The following ADGRB3 variants were observed in gnomAD, a reference collection of about 807,000 sequenced individuals.
The protein encoded by ADGRB3 is brain-specific angiogenesis inhibitor 3.
A neutral mutation model predicts 193.4 loss-of-function variants in ADGRB3; 37 were observed. The observed-to-expected ratio is 0.19, with a 90% confidence interval of 0.15 to 0.25. The LOEUF (loss-of-function observed/expected upper bound fraction) is 0.25. ADGRB3 is among the 10% of genes least tolerant of loss of function. The pLI is 1.00. For synonymous variants in ADGRB3, 690 were observed against 644.2 expected (o/e 1.07, Z -1.08); for missense variants, 1,637 against 1,852.9 (o/e 0.88, Z 2.14).
intron 17 of ADGRB3, among the ~76,000 whole-genome samples, chr6:69,098,777 C>A (rs2150320369): frequency 6.6e-6 from 1 of 152,134 alleles, no homozygotes; most frequent in East Asian, 1.9e-4. Context: ...TTATTAACAC[C>A]AGGTCATTAA....
chr6:68,947,582 G>C (rs1360451777), intron 6 of ADGRB3, among the ~76,000 whole-genome samples: 2 of 152,044 alleles, frequency 1.3e-5, no homozygotes, highest in African/African-American at 2.4e-5. Context: ...TGATATGATG[G>C]AGGAAAGTGA....
chr6:68,866,789 G>C (rs1207504475), intron 3 of ADGRB3, among the ~76,000 whole-genome samples: 1 of 152,204 alleles, frequency 6.6e-6, no homozygotes, highest in Non-Finnish European at 1.5e-5. Context: ...AAGATTGGCA[G>C]CGTTGTCTCT....
At chr6:68,744,162 A>G (rs990709692) in intron 3 of ADGRB3, among the ~76,000 whole-genome samples, 5 of 152,140 alleles carry the variant, frequency 3.3e-5, no homozygotes, top group African/African-American at 1.2e-4. Context: ...ATTTTATTTT[A>G]TCTTGAAGGC....
At chr6:69,318,963 T>A (rs1768379386) in intron 20 of ADGRB3, among the ~76,000 whole-genome samples, 1 of 151,030 alleles carries the variant, frequency 6.6e-6, no homozygotes, top group African/African-American at 2.4e-5. Flanking sequence ...AAGGTTTCGC[T>A]GCTTTATTGG....
chr6:68,873,096 C>A lies in ADGRB3; in HGVS notation c.758-57463C>A, dbSNP rs1765505214. The stretch of plus-strand genomic sequence containing the variant: ...CCTCTCTGTAACTTAGCAATTGGAA[C>A]ATGTGATGGTTTTAGGAAAACAGCA... On this transcript the variant is annotated intron_variant, in intron 3 of 31. Coordinates refer to ENST00000370598, the MANE Select transcript of ADGRB3 (RefSeq NM_001704.3). Among the ~76,000 whole-genome samples, 6 of 152,232 alleles carry A rather than the reference C, an allele frequency of 3.9e-5. No homozygotes were observed. In the South Asian group the frequency reaches 1.2e-3, roughly 32 times the overall value.
At chr6:68,842,688 T>C (rs561035345) in intron 3 of ADGRB3, among the ~76,000 whole-genome samples, 1 of 151,968 alleles carries the variant, frequency 6.6e-6, no homozygotes, top group East Asian at 1.9e-4. Flanking sequence ...ATTACCCTGA[T>C]ACCAAAGCCA....
chr6:69,178,601 C>T (rs2150350486), intron 17 of ADGRB3, among the ~76,000 whole-genome samples: 1 of 152,222 alleles, frequency 6.6e-6, no homozygotes, highest in South Asian at 2.1e-4. Flanking sequence ...TCTTTCATTT[C>T]CATGTTTAGA....
At chr6:68,770,839 C>A (rs1400449353) in intron 3 of ADGRB3, among the ~76,000 whole-genome samples, 1 of 152,086 alleles carries the variant, frequency 6.6e-6, no homozygotes, top group African/African-American at 2.4e-5. Flanking sequence ...CACAGTCAGA[C>A]ACACCTGACT....
chr6:69,333,245 C>A (rs189765197), intron 24 of ADGRB3, among the ~76,000 whole-genome samples: 3 of 152,274 alleles, frequency 2.0e-5, no homozygotes, highest in Non-Finnish European at 4.4e-5. Context: ...GTGCATATTG[C>A]CTGCTTGTCA....
chr6:68,752,524 C>T (rs1230751018), intron 3 of ADGRB3, among the ~76,000 whole-genome samples: 1 of 152,086 alleles, frequency 6.6e-6, no homozygotes, highest in African/African-American at 2.4e-5. Context: ...CCACCTGCCT[C>T]GGCCTCCCAA....
chr6:69,195,522 CAAAAAAAAAA>C (rs542731165), intron 17 of ADGRB3, among the ~76,000 whole-genome samples: 1 of 65,122 alleles, frequency 1.5e-5, no homozygotes. Context: ...TATCCTGTCT[CAAAAAAAAAA>C]AAAAAAAAAA....
intron 13 of ADGRB3, among the ~76,000 whole-genome samples, chr6:69,020,975 G>C (rs537854840): frequency 3.1e-4 from 47 of 152,032 alleles, no homozygotes; most frequent in African/African-American, 1.0e-3. Context: ...TATTTCCAAT[G>C]TTTTTGAGCA....
At chr6:68,921,467 C>T (rs112301691) in intron 3 of ADGRB3, among the ~76,000 whole-genome samples, 345 of 152,112 alleles carry the variant, frequency 2.3e-3, no homozygotes, top group African/African-American at 7.8e-3. Flanking sequence ...TAACGTCTGC[C>T]CTGCCAACAC....
intron 3 of ADGRB3, among the ~76,000 whole-genome samples, chr6:68,717,344 A>G (rs897838062): frequency 6.6e-6 from 1 of 151,750 alleles, no homozygotes; most frequent in African/African-American, 2.4e-5. Flanking sequence ...AATTCAAATT[A>G]TATTCAATAA....
At chr6:69,137,764 T>C (rs1009973244) in intron 17 of ADGRB3, among the ~76,000 whole-genome samples, 2 of 152,072 alleles carry the variant, frequency 1.3e-5, no homozygotes, top group Admixed American at 1.3e-4. Flanking sequence ...ACCACTGTAC[T>C]CCAGCCTGGG....
At chr6:69,151,761 A>T (rs549543685) in intron 17 of ADGRB3, among the ~76,000 whole-genome samples, 1 of 152,314 alleles carries the variant, frequency 6.6e-6, no homozygotes, top group South Asian at 2.1e-4. Flanking sequence ...GAAAGACTTG[A>T]CCAAAGCTCA....
At chr6:69,020,167 G>A (rs984514668) in intron 13 of ADGRB3, among the ~76,000 whole-genome samples, 1 of 151,996 alleles carries the variant, frequency 6.6e-6, no homozygotes, top group African/African-American at 2.4e-5. Context: ...TCTTCTTCTT[G>A]TTGTAAATGT....
chr6:68,856,906 T>C (rs1765004311), intron 3 of ADGRB3, among the ~76,000 whole-genome samples: 1 of 152,184 alleles, frequency 6.6e-6, no homozygotes, highest in Admixed American at 6.5e-5. Context: ...GCTCTCCTGC[T>C]CTGTGCAGAC....
intron 17 of ADGRB3, among the ~76,000 whole-genome samples, chr6:69,120,583 G>A (rs1773653915): frequency 6.6e-6 from 1 of 152,190 alleles, no homozygotes; most frequent in Admixed American, 6.5e-5. Flanking sequence ...TAATTGGCTT[G>A]AGAAGCCAAA....
Sources: allele counts gnomAD v4.1 joint callset (sites outside exome capture counted in the v4.1 genomes callset), GRCh38; gene constraint gnomAD v4.1.1; transcripts MANE v1.5; gene names NCBI Gene and HGNC (gene_info 2026-07-23, HGNC 2026-07-21).